REEP6: variants seen among roughly 807,000 people sequenced by gnomAD.
The protein encoded by REEP6 is receptor expression-enhancing protein 6.
In REEP6, 19 loss-of-function variants were observed where a neutral mutation model predicts 22.4. The observed-to-expected ratio is 0.85, with a 90% confidence interval of 0.59 to 1.25. REEP6 has a LOEUF of 1.25. REEP6 is among the 50% of genes most tolerant of loss of function. REEP6 has a pLI of 0.00. For synonymous variants in REEP6, 121 were observed against 113.6 expected (o/e 1.06, Z -0.41); for missense variants, 273 against 251.9 (o/e 1.08, Z -0.57).
intron 1 of REEP6, among the ~76,000 whole-genome samples, chr19:1,494,528 G>A (rs1383416722): frequency 6.6e-6 from 1 of 152,114 alleles, no homozygotes; most frequent in Non-Finnish European, 1.5e-5. Context: ...GAGAAACCCT[G>A]CGCTAAGATA....
intron 1 of REEP6, 123 bp from the exon 2 acceptor site, chr19:1,495,171 C>G: frequency 1.2e-6 from 1 of 852,742 alleles, no homozygotes; most frequent in Non-Finnish European, 1.9e-6. Flanking sequence ...TGGACATATC[C>G]TGGAGGCGGC....
rs773539727 is a variant in REEP6 at position 1,496,260 on chromosome 19, G to C, written c.349-25G>C. 4 of 1,587,550 alleles carry C rather than the reference G, an allele frequency of 2.5e-6. No homozygotes were observed. The African/African-American group carries it at 5.4e-5, about 21-fold the overall frequency. ...GGGGCACAGAGCTGGGTGGGCCCGC[G>C]TGTAACTCCTGCCCCGCCCTGCAGT... On this transcript the variant is annotated intron_variant, in intron 3 of 4. Transcript: ENST00000233596.
Position 1,496,275 on chromosome 19 carries a change from C to T in REEP6, c.349-10C>T, listed in dbSNP as rs763775373. The T allele has an allele frequency of 1.9e-5, 30 of 1,596,614 alleles. No individual in the cohort carries two copies. Among genetic ancestry groups the T allele is most frequent in the South Asian group, 1.5e-4 (14 of 90,778 alleles). On this transcript the variant is annotated splice_polypyrimidine_tract_variant and intron_variant, in intron 3 of 4. Transcript: ENST00000233596. ...GTGGGCCCGCGTGTAACTCCTGCCC[C>T]GCCCTGCAGTGCGCCTTCCTGTTGT...
rs1284788669 is a variant in REEP6, at chr19:1,495,766, ATGG to A, written c.348+163_348+165del. On this transcript the variant is annotated intron_variant, in intron 3 of 4. Coordinates refer to ENST00000233596, the MANE Select transcript of REEP6 (RefSeq NM_138393.4). ...GGAAACGAGCCCTGTCCGGGGGCTG[ATGG>A]TGGAGGGCCCACCCTGAAGGGTGTC... The A allele has an allele frequency of 5.1e-6, 5 of 984,188 alleles. No homozygotes were observed. The East Asian group carries it at 1.3e-4, about 25-fold the overall frequency. 61.0% of individuals were successfully genotyped at this position (984,188 alleles called of 1,614,324 possible). A position where few individuals can be genotyped will look rare whatever the true frequency, so the allele number is the denominator to read the frequency against.
intron 1 of REEP6, among the ~76,000 whole-genome samples, 189 bp from the exon 2 acceptor site, chr19:1,495,105 C>T (rs1346406577): frequency 6.6e-6 from 1 of 152,232 alleles, no homozygotes; most frequent in Non-Finnish European, 1.5e-5. Context: ...CAGTTACAGG[C>T]ACAAGGCTCA....
Position 1,497,148 on chromosome 19 carries a change from T to TCCCCCCCCCCCC in REEP6, c.518-21_518-20insCCCCCCCCCCCC. On this transcript the variant is annotated intron_variant, in intron 4 of 4. Coordinates refer to ENST00000233596, the MANE Select transcript of REEP6 (RefSeq NM_138393.4). The surrounding 1 kb of genome is among the most constrained non-coding windows in gnomAD (Gnocchi z 6.5). The stretch of plus-strand genomic sequence containing the variant: ...GGAGCCCAGGCCTGCCTCACGGCCC[T>TCCCCCCCCCCCC]CCCCCACCCGCCCCTCTCTCTGCAG... The TCCCCCCCCCCCC allele has an allele frequency of 4.5e-6, 4 of 886,392 alleles. No homozygotes were observed. Among genetic ancestry groups the TCCCCCCCCCCCC allele is most frequent in the South Asian group, 2.0e-5 (1 of 48,974 alleles). The allele number at this position is 886,392 out of a possible 1,614,324, so 54.9% of individuals were successfully genotyped here.
chr19:1,495,792 G>A (rs1009942522), intron 3 of REEP6, 185 bp downstream of exon 3: 1 of 737,472 alleles, frequency 1.4e-6, no homozygotes, highest in South Asian at 1.9e-5. Flanking sequence ...CCTGAAGGGT[G>A]TCTGATGGTG....
chr19:1,492,885 C>T (rs932383414), intron 1 of REEP6, among the ~76,000 whole-genome samples: 1 of 152,156 alleles, frequency 6.6e-6, no homozygotes, highest in African/African-American at 2.4e-5. Flanking sequence ...CTGTGCCTGC[C>T]CCCGGGAGCA....
chr19:1,496,739 T>C, intron 4 of REEP6: 1 of 644,028 alleles, frequency 1.6e-6, no homozygotes, highest in Non-Finnish European at 2.9e-6. Flanking sequence ...CGCGTGTGTT[T>C]GAGCGTATGT....
At chr19:1,494,206 C>T (rs1229435162) in intron 1 of REEP6, among the ~76,000 whole-genome samples, 2 of 152,346 alleles carry the variant, frequency 1.3e-5, no homozygotes, top group African/African-American at 4.8e-5. Flanking sequence ...CAGCCTCACT[C>T]AGTGCCGGCT....
Position 1,497,077 on chromosome 19 carries a change from C to T in REEP6, c.518-97C>T, listed in dbSNP as rs141540091. The T allele has an allele frequency of 1.2e-3, 1,266 of 1,055,286 alleles. 12 individuals are homozygous for T. In the African/African-American group the frequency reaches 0.018, roughly 15 times the overall value. The allele number at this position is 1,055,286 out of a possible 1,614,324, so 65.4% of individuals were successfully genotyped here. A position where few individuals can be genotyped will look rare whatever the true frequency, so the allele number is the denominator to read the frequency against. The stretch of plus-strand genomic sequence containing the variant: ...GTGGCTGCCCGGCCCCTCGACTTGT[C>T]ATGCTCATAGCCAGTAGCCTCAGTC... On this transcript the variant is annotated intron_variant, in intron 4 of 4. Transcript: ENST00000233596. The surrounding 1 kb of genome is among the most constrained non-coding windows in gnomAD (Gnocchi z 6.5).
chr19:1,496,261 T>C, intron 3 of REEP6, 24 bp from the exon 4 acceptor site: 1 of 1,587,894 alleles, frequency 6.3e-7, no homozygotes, highest in Non-Finnish European at 8.6e-7. Context: ...TGGGCCCGCG[T>C]GTAACTCCTG....
chr19:1,491,220 C>A lies in REEP6; in HGVS notation c.-50C>A, dbSNP rs1382568158. On this transcript the variant is annotated 5_prime_UTR_variant, in exon 1 of 5. Transcript: ENST00000233596. The surrounding 1 kb of genome is among the most constrained non-coding windows in gnomAD (Gnocchi z 5.4). ...CGGTGCGCGTGCAGCGGGGTGGGTG[C>A]CCTGGTCCGCGGGCGAGCTCGAGCA... 13 of 1,323,828 alleles carry A rather than the reference C, an allele frequency of 9.8e-6. No homozygotes were observed. The highest frequency in any genetic ancestry group is 1.3e-5 in the Non-Finnish European group (13 of 990,934). The allele number at this position is 1,323,828 out of a possible 1,614,324, so 82.0% of individuals were successfully genotyped here.
In REEP6 at chr19:1,497,146, C is replaced by CCA; in HGVS notation, c.518-27_518-26insAC. 7.6e-7 allele frequency: 1 copy of CCA among 1,322,094 alleles called. No individual in the cohort carries two copies. Among genetic ancestry groups the CCA allele is most frequent in the Non-Finnish European group, 1.0e-6 (1 of 988,906 alleles). The allele number at this position is 1,322,094 out of a possible 1,614,324, so 81.9% of individuals were successfully genotyped here. On this transcript the variant is annotated intron_variant, in intron 4 of 4. Coordinates refer to ENST00000233596, the MANE Select transcript of REEP6 (RefSeq NM_138393.4). This position sits in a 1 kb window ranked among gnomAD's most constrained non-coding sequence, Gnocchi z 6.5. ...GGGGAGCCCAGGCCTGCCTCACGGC[C>CCA]CTCCCCCACCCGCCCCTCTCTCTGC...
intron 4 of REEP6, chr19:1,496,801 G>T (rs1298560680): frequency 3.4e-6 from 2 of 588,264 alleles, no homozygotes; most frequent in Non-Finnish European, 6.3e-6. Context: ...ATGTGCAAGA[G>T]GGTGCGTGTG....
chr19:1,497,126 GC>G lies in REEP6; in HGVS notation c.518-45del. 2.3e-6 allele frequency: 3 copies of G among 1,326,390 alleles called. No individual in the cohort carries two copies. Among genetic ancestry groups the G allele is most frequent in the Non-Finnish European group, 3.0e-6 (3 of 986,268 alleles). The allele number at this position is 1,326,390 out of a possible 1,614,324, so 82.2% of individuals were successfully genotyped here. ...TCCCGCCTGCGAGCAGCTCCGGGGAGCCCAGGCCTGCCTCACGGCCCTCCCC... is the reference window on the plus strand; with the variant it reads ...TCCCGCCTGCGAGCAGCTCCGGGGAGCCAGGCCTGCCTCACGGCCCTCCCC... On this transcript the variant is annotated intron_variant, in intron 4 of 4. Coordinates refer to ENST00000233596, the MANE Select transcript of REEP6 (RefSeq NM_138393.4). This position sits in a 1 kb window ranked among gnomAD's most constrained non-coding sequence, Gnocchi z 6.5.
intron 1 of REEP6, among the ~76,000 whole-genome samples, chr19:1,492,814 TG>T (rs1383038972): frequency 6.6e-6 from 1 of 152,136 alleles, no homozygotes; most frequent in Non-Finnish European, 1.5e-5. Flanking sequence ...GCCCACACCC[TG>T]GAGGTCCCCA....
rs2084948751 is a variant in REEP6 at position 1,491,782 on chromosome 19, C to T, written c.115+398C>T. Among the ~76,000 whole-genome samples the T allele has an allele frequency of 6.6e-6, 1 of 152,182 alleles. No individual in the cohort carries two copies. Among genetic ancestry groups the T allele is most frequent in the Non-Finnish European group, 1.5e-5 (1 of 68,020 alleles). On this transcript the variant is annotated intron_variant, in intron 1 of 4. Coordinates refer to ENST00000233596, the MANE Select transcript of REEP6 (RefSeq NM_138393.4). The surrounding 1 kb of genome is among the most constrained non-coding windows in gnomAD (Gnocchi z 5.4). ...ATCTTCCCGTTTTTCTGAGGGGAGG[C>T]TCCTGGCGGGAAGGGGAACGGACCG...
chr19:1,496,732 G>A (rs971198065), intron 4 of REEP6: 7 of 640,742 alleles, frequency 1.1e-5, no homozygotes, highest in Middle Eastern at 2.5e-4. Flanking sequence ...GCGCGCGCGC[G>A]TGTGTTTGAG....
Sources: gnomAD v4.1 joint callset for allele counts (sites outside exome capture counted in the v4.1 genomes callset) on GRCh38, gnomAD v4.1.1 for gene constraint, Gnocchi (gnomAD v3.1) non-coding constraint, MANE v1.5 for transcripts, NCBI Gene and HGNC (gene_info 2026-07-23, HGNC 2026-07-21) for gene names.